TMEM131: variants seen among roughly 807,000 people sequenced by gnomAD.
TMEM131 encodes the protein 2610524E03Rik.
TMEM131 carries 66 observed loss-of-function variants against 211.6 expected under a neutral mutation model. That is an observed-to-expected ratio of 0.31 (90% CI 0.26 to 0.38). TMEM131 has a LOEUF of 0.38. Among genes scored for constraint, TMEM131 ranks in the 10% least tolerant of loss-of-function variants. TMEM131 has a pLI of 1.00. For synonymous variants in TMEM131, 844 were observed against 841.3 expected, an observed-to-expected ratio of 1.00 and a Z score of -0.06; for missense variants, 2,036 against 2,299.3, an observed-to-expected ratio of 0.89 and a Z score of 2.34.
intron 11 of TMEM131, among the ~76,000 whole-genome samples, chr2:97,826,176 A>G (rs1682372804): frequency 6.6e-6 from 1 of 152,244 alleles, no homozygotes; most frequent in Admixed American, 6.5e-5. Context: ...AGGGCAGGTT[A>G]TGCCATAGTT....
intron 11 of TMEM131, among the ~76,000 whole-genome samples, chr2:97,829,525 C>T (rs757067307): frequency 4.7e-4 from 72 of 152,300 alleles, no homozygotes; most frequent in Non-Finnish European, 6.8e-4. Flanking sequence ...GACCAATCAG[C>T]GCTCTGTAAA....
chr2:97,941,777 A>C (rs1677742159), intron 1 of TMEM131, among the ~76,000 whole-genome samples: 1 of 152,222 alleles, frequency 6.6e-6, no homozygotes, highest in South Asian at 2.1e-4. Context: ...ACAATGCAAT[A>C]CCATCTCACA....
At chr2:97,846,262 T>C (rs918874388) in intron 5 of TMEM131, among the ~76,000 whole-genome samples, 1 of 152,102 alleles carries the variant, frequency 6.6e-6, no homozygotes, top group Non-Finnish European at 1.5e-5. Context: ...TATAAGCCAA[T>C]ATCCTTCGTA....
At chr2:97,895,544 G>C (rs1675573995) in intron 3 of TMEM131, among the ~76,000 whole-genome samples, 1 of 152,124 alleles carries the variant, frequency 6.6e-6, no homozygotes, top group African/African-American at 2.4e-5. Context: ...CTCAATTTCA[G>C]AACTTGTTAT....
intron 1 of TMEM131, among the ~76,000 whole-genome samples, chr2:97,936,137 G>A (rs1677434263): frequency 6.6e-6 from 1 of 152,116 alleles, no homozygotes; most frequent in Admixed American, 6.5e-5. Flanking sequence ...CCTCGACCCT[G>A]GTAACAGTTG....
chr2:97,761,105 TG>T (rs1398485402), intron 36 of TMEM131, 191 bp from the exon 37 acceptor site: 3 of 645,450 alleles, frequency 4.6e-6, no homozygotes, highest in Non-Finnish European at 7.8e-6. Context: ...GAGGGCTTTC[TG>T]GAGAAAGGTA....
At chr2:97,863,691 T>C (rs1164253389) in intron 4 of TMEM131, among the ~76,000 whole-genome samples, 4 of 152,024 alleles carry the variant, frequency 2.6e-5, no homozygotes, top group Non-Finnish European at 4.4e-5. Flanking sequence ...AAAACCACAA[T>C]GAGATATCTG....
intron 4 of TMEM131, among the ~76,000 whole-genome samples, chr2:97,873,462 T>G (rs1674572760): frequency 6.6e-6 from 1 of 152,184 alleles, no homozygotes; most frequent in Non-Finnish European, 1.5e-5. Context: ...GGGAGAAAAC[T>G]CCCAGTAGGG....
At chr2:97,924,128 T>C (rs1210746416) in intron 2 of TMEM131, among the ~76,000 whole-genome samples, 3 of 151,246 alleles carry the variant, frequency 2.0e-5, no homozygotes, top group Non-Finnish European at 4.4e-5. Flanking sequence ...CTCACATCTG[T>C]AATCCCAGCA....
chr2:97,931,702 T>C (rs911845938), intron 1 of TMEM131, among the ~76,000 whole-genome samples: 1 of 152,202 alleles, frequency 6.6e-6, no homozygotes, highest in East Asian at 1.9e-4. Flanking sequence ...AGGAGAAGGC[T>C]GGACTAGTCA....
At chr2:97,824,527 G>A (rs764675095) in intron 11 of TMEM131, among the ~76,000 whole-genome samples, 1 of 152,162 alleles carries the variant, frequency 6.6e-6, no homozygotes, top group Non-Finnish European at 1.5e-5. Flanking sequence ...TGCCTTTCTC[G>A]TTATGCCTGA....
At chr2:97,953,686 C>T (rs1243738249) in intron 1 of TMEM131, among the ~76,000 whole-genome samples, 1 of 152,132 alleles carries the variant, frequency 6.6e-6, no homozygotes, top group Non-Finnish European at 1.5e-5. Flanking sequence ...CAGAACACTC[C>T]ACCCTACAAC....
At chr2:97,809,667 T>A in intron 19 of TMEM131, 21 bp downstream of exon 19, 1 of 1,587,148 alleles carries the variant, frequency 6.3e-7, no homozygotes, top group East Asian at 2.2e-5. Flanking sequence ...AATAGAAAAA[T>A]GTGTGTATTA....
chr2:97,815,390 T>TAAA, intron 12 of TMEM131, 83 bp from the exon 13 acceptor site: 23 of 631,836 alleles, frequency 3.6e-5, no homozygotes, highest in South Asian at 1.3e-4. Context: ...GACAAAATCT[T>TAAA]AAAAAAAAAA....
chr2:97,814,155 G>C lies in TMEM131; in HGVS notation c.1447-14C>G. 6.2e-7 allele frequency: 1 copy of C among 1,610,670 alleles called. No individual in the cohort carries two copies. On this transcript the variant is annotated splice_polypyrimidine_tract_variant and intron_variant, in intron 14 of 40. Transcript: ENST00000186436. ...GAAGTTGTGAACCTGAGAAATGACA[G>C]AAGAGAAAAAAAACAAAGTGTCAGC...
chr2:97,913,802 G>C (rs145758520), intron 2 of TMEM131, among the ~76,000 whole-genome samples: 12 of 152,230 alleles, frequency 7.9e-5, no homozygotes, highest in African/African-American at 2.9e-4. Flanking sequence ...GATGGTACAG[G>C]CAGCACATGC....
chr2:97,781,751 G>C (rs7593290), intron 31 of TMEM131, among the ~76,000 whole-genome samples: 41,572 of 152,154 alleles, frequency 0.27, 6,253 homozygotes, highest in Middle Eastern at 0.37. Flanking sequence ...GGAGACTGGG[G>C]TCTGAGGAAA....
At chr2:97,961,639 A>G (rs1418106779) in intron 1 of TMEM131, among the ~76,000 whole-genome samples, 1 of 152,198 alleles carries the variant, frequency 6.6e-6, no homozygotes. Context: ...AGACTTACTA[A>G]AAGACTGCCG....
chr2:97,988,092 A>G (rs551411828), intron 1 of TMEM131, among the ~76,000 whole-genome samples: 1 of 137,124 alleles, frequency 7.3e-6, no homozygotes, highest in African/African-American at 2.5e-5. Context: ...ATAGTCTGGT[A>G]CTGGCATAAA....
Sources: allele counts gnomAD v4.1 joint callset (sites outside exome capture counted in the v4.1 genomes callset), GRCh38; gene constraint gnomAD v4.1.1; transcripts MANE v1.5; gene names NCBI Gene and HGNC (gene_info 2026-07-23, HGNC 2026-07-21).